The following PTPRN2 variants were observed in gnomAD, a reference collection of about 807,000 sequenced individuals.
The protein encoded by PTPRN2 is receptor-type tyrosine-protein phosphatase N2.
In PTPRN2, 74 loss-of-function variants were observed where a neutral mutation model predicts 118.8. The observed-to-expected ratio is 0.62, with a 90% CI of 0.52 to 0.76. The LOEUF (loss-of-function observed/expected upper bound fraction) is 0.76. PTPRN2 is among the 30% of genes least tolerant of loss of function. The pLI is 0.00. For missense variants in PTPRN2, 1,481 were observed against 1,394.4 expected (o/e 1.06, Z -0.99); for synonymous variants, 641 against 608.0 (o/e 1.05, Z -0.80).
At chr7:158,049,796 G>A (rs898491844) in intron 11 of PTPRN2, among the ~76,000 whole-genome samples, 1 of 152,100 alleles carries the variant, frequency 6.6e-6, no homozygotes, top group African/African-American at 2.4e-5. Context: ...CCAGCTACTG[G>A]GGAGGCTGAG....
intron 11 of PTPRN2, among the ~76,000 whole-genome samples, chr7:157,915,443 C>T (rs535739005): frequency 6.7e-6 from 1 of 149,718 alleles, no homozygotes; most frequent in Non-Finnish European, 1.5e-5. Context: ...GCCACCCCCC[C>T]ACCCCCGCCT....
Position 157,621,320 on chromosome 7 carries a change from C to T in PTPRN2, c.2344+42G>A, listed in dbSNP as rs200728842. On this transcript the variant is annotated intron_variant, in intron 15 of 22. Transcript: ENST00000389418. ...ACAGGTCAGCACGGCCAGTTTCCAC[C>T]GCCCGTAACCCAGGCTTCCTGCCCC... is the stretch of plus-strand genomic sequence containing the variant. 1,400 of 1,587,624 alleles carry T rather than the reference C, an allele frequency of 8.8e-4. 5 individuals carry two copies. The highest frequency in any genetic ancestry group is 9.2e-4 in the Non-Finnish European group (1,075 of 1,165,302).
intron 5 of PTPRN2, among the ~76,000 whole-genome samples, chr7:158,169,166 G>A (rs186857581): frequency 6.6e-6 from 1 of 152,234 alleles, no homozygotes; most frequent in East Asian, 1.9e-4. Context: ...AAAATATTTG[G>A]GTTCATCCTC....
At chr7:157,976,204 C>G (rs1585121391) in intron 11 of PTPRN2, among the ~76,000 whole-genome samples, 1 of 152,260 alleles carries the variant, frequency 6.6e-6, no homozygotes, top group Admixed American at 6.5e-5. Flanking sequence ...GCAAACGAAT[C>G]TTCCCAGAAT....
intron 15 of PTPRN2, among the ~76,000 whole-genome samples, chr7:157,606,266 A>G (rs1349037946): frequency 6.6e-6 from 1 of 152,132 alleles, no homozygotes; most frequent in Non-Finnish European, 1.5e-5. Flanking sequence ...AGGGGCAAGG[A>G]TCTTCTTCCT....
chr7:157,935,980 G>A (rs1161348656), intron 11 of PTPRN2, among the ~76,000 whole-genome samples: 5 of 140,902 alleles, frequency 3.5e-5, no homozygotes, highest in East Asian at 2.2e-4. Flanking sequence ...CATCTGTGTC[G>A]CTCCCTCAGG....
At chr7:158,183,131 T>C (rs554604381) in intron 5 of PTPRN2, among the ~76,000 whole-genome samples, 1 of 152,252 alleles carries the variant, frequency 6.6e-6, no homozygotes, top group Non-Finnish European at 1.5e-5. Flanking sequence ...GGTTTCCATT[T>C]GCATGGAATA....
chr7:157,827,536 G>A (rs977075431), intron 12 of PTPRN2, among the ~76,000 whole-genome samples: 12 of 152,224 alleles, frequency 7.9e-5, no homozygotes, highest in African/African-American at 2.9e-4. Context: ...CCAGTGAGGC[G>A]TGACGTCCTC....
rs71198580 is a variant in PTPRN2, at chr7:158,171,308, CATATATAT to C, written c.550-4025_550-4018del. On this transcript the variant is annotated intron_variant, in intron 5 of 22. Transcript: ENST00000389418. Reference sequence around the variant, plus strand: ...ATATATACACACATATATATACACACATATATATATATATATATATATATATATATATA... The same window carrying C: ...ATATATACACACATATATATACACACATATATATATATATATATATATATA... 2.2e-3 allele frequency among the ~76,000 whole-genome samples: 108 copies of C among 48,646 alleles called. 12 individuals carry two copies. The South Asian group carries it at 0.025, about 11-fold the overall frequency. The allele number at this position is 48,646 out of a possible 152,430, so 31.9% of individuals were successfully genotyped here.
chr7:157,793,003 C>G (rs1036229780), intron 12 of PTPRN2, among the ~76,000 whole-genome samples: 3 of 152,150 alleles, frequency 2.0e-5, no homozygotes, highest in Non-Finnish European at 4.4e-5. Flanking sequence ...CAGTGATGAG[C>G]TTAAATAAAT....
chr7:158,212,043 T>C (rs1037763308), intron 3 of PTPRN2, among the ~76,000 whole-genome samples: 9 of 152,266 alleles, frequency 5.9e-5, no homozygotes, highest in Non-Finnish European at 8.8e-5. Flanking sequence ...CATAAAAAGG[T>C]GAGATTCTTT....
chr7:158,523,051 C>T (rs929953698), intron 1 of PTPRN2, among the ~76,000 whole-genome samples: 3 of 152,186 alleles, frequency 2.0e-5, no homozygotes, highest in South Asian at 2.1e-4. Context: ...TCAGCATCAC[C>T]GTGGCTGCTG....
Position 158,335,388 on chromosome 7 carries a change from C to G in PTPRN2, c.164-18456G>C, listed in dbSNP as rs62480952. Among the ~76,000 whole-genome samples the G allele has an allele frequency of 1.4e-3, 19 of 13,250 alleles. 5 individuals are homozygous for G. The highest frequency in any genetic ancestry group is 2.1e-3 in the Non-Finnish European group (10 of 4,674). 8.7% of individuals were successfully genotyped at this position (13,250 alleles called of 152,430 possible). A position where few individuals can be genotyped will look rare whatever the true frequency, so the allele number is the denominator to read the frequency against. Reference sequence around the variant, plus strand: ...CACACCCATACTCTCACCATAAGAGCTGACACCTGCAGACGTCACTCACAC... The same window carrying G: ...CACACCCATACTCTCACCATAAGAGGTGACACCTGCAGACGTCACTCACAC... On this transcript the variant is annotated intron_variant, in intron 2 of 22. Transcript: ENST00000389418.
At chr7:158,175,172 AAC>A (rs1824074097) in intron 5 of PTPRN2, among the ~76,000 whole-genome samples, 1 of 152,184 alleles carries the variant, frequency 6.6e-6, no homozygotes, top group African/African-American at 2.4e-5. Flanking sequence ...TTGACCACAT[AAC>A]ACACGTTTTC....
chr7:158,006,034 T>C (rs1226641331), intron 11 of PTPRN2, among the ~76,000 whole-genome samples: 1 of 152,224 alleles, frequency 6.6e-6, no homozygotes. Flanking sequence ...CAGCAGCCAC[T>C]GCCCAAATAA....
At chr7:158,371,229 A>T (rs1809964686) in intron 2 of PTPRN2, among the ~76,000 whole-genome samples, 1 of 151,986 alleles carries the variant, frequency 6.6e-6, no homozygotes, top group Non-Finnish European at 1.5e-5. Flanking sequence ...TTCAAGTAAA[A>T]CCTTTTTTTG....
At chr7:158,216,432 T>G (rs1827960151) in intron 3 of PTPRN2, among the ~76,000 whole-genome samples, 2 of 152,106 alleles carry the variant, frequency 1.3e-5, no homozygotes, top group South Asian at 2.1e-4. Context: ...TGAGTGGGTT[T>G]TTTTTAAAAA....
At chr7:157,842,361 A>G (rs1277180302) in intron 12 of PTPRN2, among the ~76,000 whole-genome samples, 3 of 146,990 alleles carry the variant, frequency 2.0e-5, no homozygotes, top group Non-Finnish European at 4.5e-5. Flanking sequence ...TTAAAGTGCA[A>G]ATGGTACAAA....
At chr7:158,464,495 A>T (rs906416230) in intron 2 of PTPRN2, among the ~76,000 whole-genome samples, 1 of 146,298 alleles carries the variant, frequency 6.8e-6, no homozygotes, top group Admixed American at 6.7e-5. Flanking sequence ...CATGCCATTT[A>T]ATAAATAATC....
Sources: allele counts gnomAD v4.1 joint callset (sites outside exome capture counted in the v4.1 genomes callset), GRCh38; gene constraint gnomAD v4.1.1; transcripts MANE v1.5; gene names NCBI Gene and HGNC (gene_info 2026-07-23, HGNC 2026-07-21).